SGPP2: variants seen among roughly 807,000 people sequenced by gnomAD.
SGPP2 encodes the protein sphingosine 1-phosphate phosphohydrolase 2.
In SGPP2, 30 loss-of-function variants were observed where a neutral mutation model predicts 33.9. That is an observed-to-expected ratio of 0.89 (90% CI 0.66 to 1.20). SGPP2 has a LOEUF of 1.20. SGPP2 is among the 50% of genes most tolerant of loss of function. The pLI is 0.00. For missense variants in SGPP2, 458 were observed against 532.1 expected, an observed-to-expected ratio of 0.86 and a Z score of 1.37; for synonymous variants, 233 against 225.0, an observed-to-expected ratio of 1.04 and a Z score of -0.32.
At chr2:222,485,017 C>T (rs1289337455) in intron 2 of SGPP2, among the ~76,000 whole-genome samples, 2 of 152,178 alleles carry the variant, frequency 1.3e-5, no homozygotes, top group African/African-American at 2.4e-5. Flanking sequence ...AAGTACTTTA[C>T]ACTCAAGAAC....
At chr2:222,525,153 T>A in intron 4 of SGPP2, 120 bp downstream of exon 4, 1 of 668,884 alleles carries the variant, frequency 1.5e-6, no homozygotes. Flanking sequence ...ATATTTCTCA[T>A]CATGCCAATG....
chr2:222,452,853 T>C (rs1168603322), intron 1 of SGPP2: 75 of 1,608,032 alleles, frequency 4.7e-5, no homozygotes, highest in Non-Finnish European at 6.2e-5. Flanking sequence ...CTGCCACCTC[T>C]TAGATTTCAT....
rs1224509911 is a variant in SGPP2 at position 222,501,379 on chromosome 2, A to G, written c.379-20388A>G. On this transcript the variant is annotated intron_variant, in intron 2 of 4. Transcript: ENST00000321276. Reference sequence around the variant, plus strand: ...TCTTTTCTGAATTCTATTAAGAACAAAAACCTGTGACAGACCCACTGAGGT... The same window carrying G: ...TCTTTTCTGAATTCTATTAAGAACAGAAACCTGTGACAGACCCACTGAGGT... Among the ~76,000 whole-genome samples the G allele has an allele frequency of 2.6e-5, 4 of 152,174 alleles. No homozygotes were observed. The East Asian group carries it at 7.7e-4, about 29-fold the overall frequency.
At chr2:222,546,892 A>C (rs1432872564) in intron 4 of SGPP2, among the ~76,000 whole-genome samples, 1 of 151,572 alleles carries the variant, frequency 6.6e-6, no homozygotes, top group Non-Finnish European at 1.5e-5. Context: ...AAGAGCTCAC[A>C]TTGGCCTCTG....
At chr2:222,434,768 G>A (rs1181589881) in intron 1 of SGPP2, among the ~76,000 whole-genome samples, 1 of 152,116 alleles carries the variant, frequency 6.6e-6, no homozygotes, top group South Asian at 2.1e-4. Context: ...GAATGCACAG[G>A]CTGCTGGGGT....
Position 222,476,945 on chromosome 2 carries a change from A to G in SGPP2, c.378+2219A>G, listed in dbSNP as rs1234971113. ...TGTGTATTGGAGTATATAGGTGTGT[A>G]TGTATGTATGTATAGTGTGTATATG... is the stretch of plus-strand genomic sequence containing the variant. On this transcript the variant is annotated intron_variant, in intron 2 of 4. Coordinates refer to ENST00000321276, the MANE Select transcript of SGPP2 (RefSeq NM_152386.4). This position sits in a 1 kb window ranked among gnomAD's most constrained non-coding sequence, Gnocchi z 4.3. Among the ~76,000 whole-genome samples, 4 of 147,152 alleles carry G rather than the reference A, an allele frequency of 2.7e-5. No homozygotes were observed. Among genetic ancestry groups the G allele is most frequent in the Admixed American group, 6.7e-5 (1 of 14,974 alleles).
chr2:222,528,466 T>C (rs1447257198), intron 4 of SGPP2, among the ~76,000 whole-genome samples: 1 of 152,114 alleles, frequency 6.6e-6, no homozygotes, highest in East Asian at 1.9e-4. Context: ...ATATCTTAAT[T>C]TAGAAATAAT....
chr2:222,521,575 T>C (rs1251461459), intron 2 of SGPP2, among the ~76,000 whole-genome samples, 192 bp from the exon 3 acceptor site: 1 of 152,270 alleles, frequency 6.6e-6, no homozygotes, highest in East Asian at 1.9e-4. Context: ...TCAGTGGTCC[T>C]ATGGAATCCA....
intron 1 of SGPP2, among the ~76,000 whole-genome samples, chr2:222,445,016 C>T: frequency 6.6e-6 from 1 of 152,222 alleles, no homozygotes; most frequent in East Asian, 1.9e-4. Context: ...AGACAGTTAA[C>T]TGTCCAGGGA....
At chr2:222,462,230 G>A (rs1273005991) in intron 1 of SGPP2, among the ~76,000 whole-genome samples, 1 of 152,090 alleles carries the variant, frequency 6.6e-6, no homozygotes, top group African/African-American at 2.4e-5. Flanking sequence ...ATGCTTATTT[G>A]GTCAGGTTAA....
At chr2:222,512,503 G>A (rs1317822026) in intron 2 of SGPP2, among the ~76,000 whole-genome samples, 1 of 152,064 alleles carries the variant, frequency 6.6e-6, no homozygotes, top group African/African-American at 2.4e-5. Flanking sequence ...AAAGTCTATA[G>A]TGTACATTAG....
chr2:222,449,146 C>T (rs1392072491), intron 1 of SGPP2, among the ~76,000 whole-genome samples: 1 of 152,204 alleles, frequency 6.6e-6, no homozygotes, highest in Non-Finnish European at 1.5e-5. Context: ...ACTGTGCGTT[C>T]TGTCTTGTCT....
At chr2:222,499,379 A>G (rs1698331602) in intron 2 of SGPP2, among the ~76,000 whole-genome samples, 1 of 152,146 alleles carries the variant, frequency 6.6e-6, no homozygotes, top group African/African-American at 2.4e-5. Flanking sequence ...TCTCTCCTAC[A>G]CTTTGCCCGT....
At chr2:222,455,210 A>G (rs1379693416) in intron 1 of SGPP2, among the ~76,000 whole-genome samples, 3 of 92,358 alleles carry the variant, frequency 3.2e-5, no homozygotes, top group East Asian at 5.8e-4. Context: ...CACCACTCCA[A>G]TCTCTTTAAA....
intron 1 of SGPP2, among the ~76,000 whole-genome samples, chr2:222,436,105 T>C (rs532544797): frequency 6.6e-6 from 1 of 152,336 alleles, no homozygotes; most frequent in East Asian, 1.9e-4. Flanking sequence ...TCTGGGTCAG[T>C]CACCCCAGGC....
At chr2:222,429,707 G>A (rs1423267020) in intron 1 of SGPP2, among the ~76,000 whole-genome samples, 3 of 152,116 alleles carry the variant, frequency 2.0e-5, no homozygotes, top group Admixed American at 2.0e-4. Flanking sequence ...TAACATCTTT[G>A]TACAAGTATC....
chr2:222,541,566 A>C lies in SGPP2; in HGVS notation c.648+16533A>C, dbSNP rs554752911. Among the ~76,000 whole-genome samples the C allele has an allele frequency of 2.6e-5, 4 of 151,432 alleles. No homozygotes were observed. The East Asian group carries it at 7.7e-4, about 29-fold the overall frequency. On this transcript the variant is annotated intron_variant, in intron 4 of 4. Coordinates refer to ENST00000321276, the MANE Select transcript of SGPP2 (RefSeq NM_152386.4). ...TATAGGACAAGAAATGTGCATCCCC[A>C]CTTTTTTGGTTCAAAATAAGAAAAC...
intron 2 of SGPP2, 88 bp downstream of exon 2, chr2:222,474,814 CTTT>C (rs3075931): frequency 0.18 from 141,866 of 773,456 alleles, 1,240 homozygotes; most frequent in East Asian, 0.32. Context: ...TATGTTCTTT[CTTT>C]TTTTTTTTTT....
chr2:222,462,436 T>C (rs1257562228), intron 1 of SGPP2, among the ~76,000 whole-genome samples: 3 of 152,116 alleles, frequency 2.0e-5, no homozygotes, highest in Admixed American at 1.3e-4. Context: ...TCTGGTGGGC[T>C]TGTTTGCTGT....
Sources: gnomAD v4.1 joint callset for allele counts (sites outside exome capture counted in the v4.1 genomes callset) on GRCh38, gnomAD v4.1.1 for gene constraint, Gnocchi (gnomAD v3.1) non-coding constraint, MANE v1.5 for transcripts, NCBI Gene and HGNC (gene_info 2026-07-23, HGNC 2026-07-21) for gene names.